ITGAL: variants seen among roughly 807,000 people sequenced by gnomAD.
The protein encoded by ITGAL is integrin alpha-L.
Under a neutral mutation model 138.4 loss-of-function variants are expected in ITGAL, and 68 were observed. The observed-to-expected ratio is 0.49, with a 90% confidence interval of 0.40 to 0.60. ITGAL has a LOEUF of 0.60. ITGAL is among the 20% of genes least tolerant of loss of function. The probability of loss-of-function intolerance (pLI) is 0.00; values close to 1 mark genes in which losing one functional copy is unlikely to be tolerated. For missense variants in ITGAL, 1,256 were observed against 1,478.6 expected (o/e 0.85, Z 2.47); for synonymous variants, 561 against 584.3 (o/e 0.96, Z 0.57).
chr16:30,518,524 C>A (rs1210648520), intron 28 of ITGAL, 100 bp from the exon 29 acceptor site: 1 of 765,410 alleles, frequency 1.3e-6, no homozygotes, highest in Non-Finnish European at 2.4e-6. Context: ...CCCCCTGGAA[C>A]CCCTTCTCTG....
chr16:30,501,633 G>C (rs1451160337), intron 17 of ITGAL, among the ~76,000 whole-genome samples: 1 of 151,652 alleles, frequency 6.6e-6, no homozygotes, highest in African/African-American at 2.4e-5. Context: ...CAATCATCAT[G>C]GTATGTTGTT....
chr16:30,499,721 A>ATATGTG (rs1567478441), intron 17 of ITGAL, among the ~76,000 whole-genome samples: 4 of 78,960 alleles, frequency 5.1e-5, no homozygotes, highest in African/African-American at 1.7e-4. Flanking sequence ...ATGTATATAT[A>ATATGTG]TATATATATA....
Position 30,513,932 on chromosome 16 carries a change from CA to C in ITGAL, c.2862+87del, listed in dbSNP as rs1222821812. On this transcript the variant is annotated intron_variant, in intron 25 of 30. Coordinates refer to ENST00000356798, the MANE Select transcript of ITGAL (RefSeq NM_002209.3). ...TGAGGATGCAGGCACCAAGTAGACA[CA>C]GTACTCATCCTAGCCATCCAACTGT... 5.1e-6 allele frequency: 5 copies of C among 976,208 alleles called. No individual in the cohort carries two copies. In the East Asian group the frequency reaches 1.2e-4, roughly 24 times the overall value. The allele number at this position is 976,208 out of a possible 1,614,324, so 60.5% of individuals were successfully genotyped here. A position where few individuals can be genotyped will look rare whatever the true frequency, so the allele number is the denominator to read the frequency against.
At chr16:30,490,993 G>C (rs1285697509) in intron 11 of ITGAL, among the ~76,000 whole-genome samples, 1 of 151,276 alleles carries the variant, frequency 6.6e-6, no homozygotes, top group East Asian at 1.9e-4. Context: ...AAATTAGTTG[G>C]GCATGGTTGT....
intron 4 of ITGAL, among the ~76,000 whole-genome samples, chr16:30,478,015 TGAAGGAAGGAAGGA>T (rs1391654589): frequency 3.5e-5 from 5 of 143,478 alleles, no homozygotes; most frequent in Non-Finnish European, 3.1e-5. Flanking sequence ...AAAAGAAAGA[TGAAGGAAGGAAGGA>T]GAAGGAAGGA....
At position 30,496,535 on chromosome 16, in the gene ITGAL, G is replaced by A. The variant is rs2050803266; in HGVS notation, c.1801G>A (p.Val601Met). ...AGGGGATGGCTTGGCAGATGTGGCT[G>A]TGGGGGCTGAGAGCCAGATGATCGT... ...LEGDGLADVAVGAESQMIVLS... is the reference protein window; with the variant it reads ...LEGDGLADVAMGAESQMIVLS... Residue 601 changes from valine to methionine, a missense_variant, in exon 15 of 31, where the codon GTG becomes ATG. Coordinates refer to ENST00000356798, the MANE Select transcript of ITGAL (RefSeq NM_002209.3). 2.5e-6 allele frequency: 4 copies of A among 1,614,000 alleles called. No individual in the cohort carries two copies. The highest frequency in any genetic ancestry group is 2.5e-6 in the Non-Finnish European group (3 of 1,179,928).
chr16:30,473,183 G>A (rs1567458718), intron 1 of ITGAL, among the ~76,000 whole-genome samples: 1 of 152,182 alleles, frequency 6.6e-6, no homozygotes, highest in Non-Finnish European at 1.5e-5. Context: ...TGTAATCCCA[G>A]CACTTTAGGA....
intron 18 of ITGAL, 21 bp downstream of exon 18, chr16:30,504,285 A>G (rs1472257212): frequency 6.4e-7 from 1 of 1,571,434 alleles, no homozygotes; most frequent in Non-Finnish European, 8.8e-7. Flanking sequence ...ATGGCTAGGG[A>G]TGGTGGGGAG....
Position 30,499,376 on chromosome 16 carries a change from G to C in ITGAL, c.2032G>C (p.Asp678His), listed in dbSNP as rs1403032003. The change falls in exon 17 of 31, where the codon GAT becomes CAT. Residue 678 changes from aspartate (D) to histidine (H), a missense_variant. By Grantham distance (81) the Asp-to-His change is moderately conservative. Around this residue, in one of 3 missense-constraint regions of ITGAL, gnomAD observed 867 missense variants for 972.5 expected, o/e 0.89. Transcript: ENST00000356798. Reference protein sequence around the residue: ...VANLTYTLQLDGHRTRRRGLF... With the variant: ...VANLTYTLQLHGHRTRRRGLF... ...CAATCTCACTTACACTCTGCAGCTG[G>C]ATGGCCACCGGACCAGAAGACGGGG... 1 of 1,614,102 alleles carries C rather than the reference G, an allele frequency of 6.2e-7. No homozygotes were observed.
chr16:30,519,607 G>A (rs1235176919), intron 29 of ITGAL: 6 of 472,554 alleles, frequency 1.3e-5, no homozygotes, highest in East Asian at 3.9e-5. Context: ...GATTCTGGAC[G>A]GCTTTGAATG....
chr16:30,521,489 C>T lies in ITGAL; in HGVS notation c.3340-3C>T, dbSNP rs771731727. 4 of 1,613,182 alleles carry T rather than the reference C, an allele frequency of 2.5e-6. No individual in the cohort carries two copies. Among genetic ancestry groups the T allele is most frequent in the African/African-American group, 1.3e-5 (1 of 74,990 alleles). On this transcript the variant is annotated splice_region_variant and splice_polypyrimidine_tract_variant and intron_variant, in intron 30 of 30. Coordinates refer to ENST00000356798, the MANE Select transcript of ITGAL (RefSeq NM_002209.3). ...TGCTCGTTCAAATTTTGTCTTTGTA[C>T]AGGTTGGTTTCTTCAAACGGAACCT... is the stretch of plus-strand genomic sequence containing the variant.
rs756819257 is a variant in ITGAL at position 30,513,788 on chromosome 16, T to A, written c.2804T>A (p.Leu935His). 2 of 1,613,706 alleles carry A rather than the reference T, an allele frequency of 1.2e-6. No homozygotes were observed. The highest frequency in any genetic ancestry group is 1.7e-6 in the Non-Finnish European group (2 of 1,179,720). ...ILIQDQEDST[L>H]YVSFTPKGPK... ...CTCCGCAGCCAAGAAGACTCCACAC[T>A]CTATGTCAGTTTCACCCCCAAAGGC... is the stretch of plus-strand genomic sequence containing the variant. The change falls in exon 25 of 31, where the codon CTC becomes CAC. Residue 935 changes from leucine (L) to histidine (H), a missense_variant. Leu to His is a moderately conservative substitution (Grantham distance 99). Transcript: ENST00000356798.
chr16:30,494,585 T>C lies in ITGAL; in HGVS notation c.1366-128T>C, dbSNP rs2050773512. The C allele has an allele frequency of 2.4e-6, 3 of 1,234,066 alleles. No homozygotes were observed. The highest frequency in any genetic ancestry group is 2.2e-6 in the Non-Finnish European group (2 of 902,528). The allele number at this position is 1,234,066 out of a possible 1,614,324, so 76.4% of individuals were successfully genotyped here. A position where few individuals can be genotyped will look rare whatever the true frequency, so the allele number is the denominator to read the frequency against. ...CCACCTTGTCTTAACGCACATAGAC[T>C]AGGGGTGGATCCAAGATTGGAACCT... On this transcript the variant is annotated intron_variant, in intron 12 of 30. Coordinates refer to ENST00000356798, the MANE Select transcript of ITGAL (RefSeq NM_002209.3). This position sits in a 1 kb window ranked among gnomAD's most constrained non-coding sequence, Gnocchi z 4.2.
intron 13 of ITGAL, among the ~76,000 whole-genome samples, chr16:30,495,439 G>A (rs923425034): frequency 1.2e-4 from 19 of 152,270 alleles, no homozygotes; most frequent in African/African-American, 4.3e-4. Context: ...GATTACAGGC[G>A]TGAGCCGCTG....
At chr16:30,474,434 C>T in intron 2 of ITGAL, 136 bp downstream of exon 2, 1 of 632,174 alleles carries the variant, frequency 1.6e-6, no homozygotes, top group Non-Finnish European at 2.8e-6. Flanking sequence ...TCTGGAGGAG[C>T]CTGTGGTGGG....
rs549947335 is a variant in ITGAL, at chr16:30,494,019, A to G, written c.1214-193A>G. 6.6e-6 allele frequency among the ~76,000 whole-genome samples: 1 copy of G among 152,318 alleles called. No individual in the cohort carries two copies. Among genetic ancestry groups the G allele is most frequent in the Non-Finnish European group, 1.5e-5 (1 of 68,018 alleles). On this transcript the variant is annotated intron_variant, in intron 11 of 30. Coordinates refer to ENST00000356798, the MANE Select transcript of ITGAL (RefSeq NM_002209.3). This position sits in a 1 kb window ranked among gnomAD's most constrained non-coding sequence, Gnocchi z 4.2. ...GGGTGTGCATGTCACCCACAGTTGAAGACATGCCATCCCCAAGATGGCAGG... is the reference window on the plus strand; with the variant it reads ...GGGTGTGCATGTCACCCACAGTTGAGGACATGCCATCCCCAAGATGGCAGG...
intron 13 of ITGAL, among the ~76,000 whole-genome samples, chr16:30,495,087 C>T (rs138321867): frequency 1.3e-5 from 2 of 152,270 alleles, no homozygotes; most frequent in African/African-American, 2.4e-5. Flanking sequence ...TGCAGTGGCA[C>T]GATCTCGGCT....
At chr16:30,485,430 T>G (rs1343394414) in intron 9 of ITGAL, among the ~76,000 whole-genome samples, 1 of 152,098 alleles carries the variant, frequency 6.6e-6, no homozygotes, top group Non-Finnish European at 1.5e-5. Context: ...TTTCATCGTG[T>G]TAGCCAGGAT....
intron 6 of ITGAL, 148 bp downstream of exon 6, chr16:30,479,609 G>A: frequency 1.6e-6 from 1 of 622,988 alleles, no homozygotes; most frequent in Non-Finnish European, 2.7e-6. Context: ...AAGAACCAGG[G>A]AGTAGAAAGC....
Sources: gnomAD v4.1 joint callset for allele counts (sites outside exome capture counted in the v4.1 genomes callset) on GRCh38, gnomAD v4.1.1 for gene constraint, gnomAD v4.1.1 regional missense constraint, Gnocchi (gnomAD v3.1) non-coding constraint, MANE v1.5 for transcripts, NCBI Gene and HGNC (gene_info 2026-07-23, HGNC 2026-07-21) for gene names.